DCC: variants seen among roughly 807,000 people sequenced by gnomAD.
The protein encoded by DCC is DCC netrin 1 receptor.
In DCC, 58 loss-of-function variants were observed where a neutral mutation model predicts 172.5. That is an observed-to-expected ratio of 0.34 (90% CI 0.27 to 0.42). The LOEUF (loss-of-function observed/expected upper bound fraction) is 0.42. Ranked by LOEUF, DCC falls within the 10% of genes least tolerant of loss-of-function variation. The pLI is 1.00. For missense variants in DCC, 1,740 were observed against 1,791.0 expected (o/e 0.97, Z 0.51); for synonymous variants, 709 against 644.5 (o/e 1.10, Z -1.52).
At chr18:53,047,262 A>AATTT (rs1287117056) in intron 5 of DCC, among the ~76,000 whole-genome samples, 19 of 13,246 alleles carry the variant, frequency 1.4e-3, no homozygotes, top group African/African-American at 9.4e-3. Flanking sequence ...ATATATATAT[A>AATTT]TATATATATA....
At chr18:53,102,399 T>C (rs774787022) in intron 7 of DCC, among the ~76,000 whole-genome samples, 1 of 152,146 alleles carries the variant, frequency 6.6e-6, no homozygotes, top group Non-Finnish European at 1.5e-5. Flanking sequence ...TGTGTTTTTA[T>C]TCTTTTGATT....
At chr18:53,331,893 T>G (rs573693431) in intron 14 of DCC, among the ~76,000 whole-genome samples, 1 of 152,296 alleles carries the variant, frequency 6.6e-6, no homozygotes, top group South Asian at 2.1e-4. Context: ...GCATTGAGGG[T>G]CTCTTCCCTA....
chr18:52,436,077 A>T (rs1032279019), intron 1 of DCC, among the ~76,000 whole-genome samples: 1 of 152,206 alleles, frequency 6.6e-6, no homozygotes, highest in African/African-American at 2.4e-5. Flanking sequence ...CTCAGATCTT[A>T]GTTTTAATTC....
intron 1 of DCC, among the ~76,000 whole-genome samples, chr18:52,702,351 T>C (rs2036139949): frequency 6.6e-6 from 1 of 152,140 alleles, no homozygotes; most frequent in Admixed American, 6.5e-5. Flanking sequence ...CATATCACTT[T>C]GCCTCTTACC....
At chr18:52,605,303 G>A (rs2034110292) in intron 1 of DCC, among the ~76,000 whole-genome samples, 1 of 152,062 alleles carries the variant, frequency 6.6e-6, no homozygotes, top group African/African-American at 2.4e-5. Context: ...AAATTTGCAA[G>A]AGGCAGTGGA....
chr18:52,924,320 A>T (rs1007892792), intron 4 of DCC, among the ~76,000 whole-genome samples: 1 of 152,120 alleles, frequency 6.6e-6, no homozygotes, highest in Non-Finnish European at 1.5e-5. Context: ...ATTATATGCA[A>T]TTTTTGTCAA....
intron 16 of DCC, among the ~76,000 whole-genome samples, chr18:53,389,176 A>G (rs142781754): frequency 1.3e-5 from 2 of 152,280 alleles, no homozygotes; most frequent in African/African-American, 4.8e-5. Context: ...TTTCTCAGCA[A>G]AAGTTTGGAG....
At chr18:52,487,327 AG>A (rs2030275561) in intron 1 of DCC, among the ~76,000 whole-genome samples, 1 of 152,148 alleles carries the variant, frequency 6.6e-6, no homozygotes, top group Non-Finnish European at 1.5e-5. Context: ...ATGAGTTAGG[AG>A]GCTGTTAAAC....
At chr18:52,464,545 G>A (rs1044013761) in intron 1 of DCC, among the ~76,000 whole-genome samples, 1 of 152,080 alleles carries the variant, frequency 6.6e-6, no homozygotes, top group Non-Finnish European at 1.5e-5. Flanking sequence ...AACGCAAAGC[G>A]GTGATTTTAA....
At chr18:53,016,947 G>A (rs1280367459) in intron 5 of DCC, among the ~76,000 whole-genome samples, 1 of 152,122 alleles carries the variant, frequency 6.6e-6, no homozygotes, top group African/African-American at 2.4e-5. Flanking sequence ...GTTATCTTCA[G>A]CCAGAGGAAT....
At chr18:53,524,297 GAAA>G (rs369328515) in intron 27 of DCC, among the ~76,000 whole-genome samples, 2 of 145,966 alleles carry the variant, frequency 1.4e-5, no homozygotes, top group African/African-American at 5.0e-5. Flanking sequence ...TTGAATACAT[GAAA>G]AAAAAAAGAA....
At chr18:52,844,243 A>G (rs1386196860) in intron 2 of DCC, among the ~76,000 whole-genome samples, 1 of 152,196 alleles carries the variant, frequency 6.6e-6, no homozygotes, top group Non-Finnish European at 1.5e-5. Flanking sequence ...ATGCCTAGTT[A>G]GGCAAATGCA....
At chr18:53,443,913 C>T (rs1366160251) in intron 22 of DCC, among the ~76,000 whole-genome samples, 3 of 152,078 alleles carry the variant, frequency 2.0e-5, no homozygotes, top group African/African-American at 7.2e-5. Context: ...ATAAGAGGAG[C>T]CTTGAAGAAG....
intron 1 of DCC, among the ~76,000 whole-genome samples, chr18:52,712,292 G>A (rs1476772837): frequency 1.3e-5 from 2 of 151,968 alleles, no homozygotes; most frequent in Non-Finnish European, 2.9e-5. Context: ...GAGCCTGTTA[G>A]GTAACAATAT....
chr18:52,541,903 A>ATG (rs2032471381), intron 1 of DCC, among the ~76,000 whole-genome samples: 2 of 144,474 alleles, frequency 1.4e-5, no homozygotes, highest in South Asian at 2.1e-4. Flanking sequence ...ATATGTGTAT[A>ATG]TATATATGTA....
rs181703108 is a variant in DCC at position 52,931,431 on chromosome 18, T to C, written c.985+6061T>C. Among the ~76,000 whole-genome samples the C allele has an allele frequency of 2.2e-4, 33 of 152,192 alleles. No individual in the cohort carries two copies. In the East Asian group the frequency reaches 5.2e-3, roughly 24 times the overall value. On this transcript the variant is annotated intron_variant, in intron 5 of 28. Coordinates refer to ENST00000442544, the MANE Select transcript of DCC (RefSeq NM_005215.4). ...TTTAATCACGCATTTTATTAGACTC[T>C]TGTTTTGCCTTTCAACTTGCAGTCC...
At chr18:53,262,091 C>T (rs1241873415) in intron 12 of DCC, among the ~76,000 whole-genome samples, 2 of 152,156 alleles carry the variant, frequency 1.3e-5, no homozygotes, top group Non-Finnish European at 2.9e-5. Flanking sequence ...TCTGTTCTTA[C>T]ACAAAGAACA....
At chr18:52,470,716 A>G (rs913556569) in intron 1 of DCC, among the ~76,000 whole-genome samples, 2 of 152,222 alleles carry the variant, frequency 1.3e-5, no homozygotes, top group Non-Finnish European at 2.9e-5. Context: ...CACAAAATAA[A>G]CATTCCCTAA....
intron 7 of DCC, among the ~76,000 whole-genome samples, chr18:53,154,207 C>T (rs1488598251): frequency 2.0e-5 from 3 of 152,102 alleles, no homozygotes; most frequent in Non-Finnish European, 2.9e-5. Context: ...CTCCCAGAGT[C>T]CCCGATGGGA....
Sources: gnomAD v4.1 joint callset for allele counts (sites outside exome capture counted in the v4.1 genomes callset) on GRCh38, gnomAD v4.1.1 for gene constraint, MANE v1.5 for transcripts, NCBI Gene and HGNC (gene_info 2026-07-23, HGNC 2026-07-21) for gene names.